The following CDH11 variants were observed in gnomAD, a reference collection of about 807,000 sequenced individuals.
The protein encoded by CDH11 is cadherin 11, also known as cadherin-11.
Under a neutral mutation model 67.8 loss-of-function variants are expected in CDH11, and 11 were observed. The observed-to-expected ratio is 0.16, with a 90% CI of 0.10 to 0.27. The LOEUF (loss-of-function observed/expected upper bound fraction) is 0.27. CDH11 is among the 10% of genes least tolerant of loss of function. The pLI, the probability that CDH11 is intolerant of heterozygous loss-of-function variation, is 1.00. For missense variants in CDH11, 847 were observed against 1,031.2 expected (o/e 0.82, Z 2.45); for synonymous variants, 419 against 400.0 (o/e 1.05, Z -0.57).
In CDH11 at chr16:64,982,053, C is replaced by A; in HGVS notation, c.1248G>T (p.Pro416=). 1 of 1,611,264 alleles carries A rather than the reference C, an allele frequency of 6.2e-7. No homozygotes were observed. Among genetic ancestry groups the A allele is most frequent in the South Asian group, 1.1e-5 (1 of 90,642 alleles). ...TAAAATAAATCCGTCTGTACCTTAT[C>A]GGGCTGTTGGCAGCATCAGGGTCTT... ...HAKDPDAANS[P]IRYSIDRHTD... Residue 416 remains proline, a synonymous_variant, in exon 8 of 13, where the codon CCG becomes CCT. Coordinates refer to ENST00000268603, the MANE Select transcript of CDH11 (RefSeq NM_001797.4).
At chr16:64,956,794 G>T (rs941061614) in intron 11 of CDH11, among the ~76,000 whole-genome samples, 18 of 152,070 alleles carry the variant, frequency 1.2e-4, no homozygotes, top group African/African-American at 4.1e-4. Flanking sequence ...CAATATAAAA[G>T]TTCCTAATAA....
intron 1 of CDH11, among the ~76,000 whole-genome samples, chr16:65,082,123 C>T (rs1168726387): frequency 6.6e-6 from 1 of 152,192 alleles, no homozygotes; most frequent in Non-Finnish European, 1.5e-5. Flanking sequence ...AAACTGCTTG[C>T]CCACCTACAT....
chr16:64,945,869 C>A lies in CDH11; in HGVS notation c.*1734G>T. On this transcript the variant is annotated 3_prime_UTR_variant, in exon 13 of 13. Transcript: ENST00000268603. ...AGAAAAAAACTGTAAAAATTGTCTG[C>A]AATCCAAGAAAAAGCACGTGCCCTG... is the stretch of plus-strand genomic sequence containing the variant. 2 of 1,055,620 alleles carry A rather than the reference C, an allele frequency of 1.9e-6. No homozygotes were observed. Among genetic ancestry groups the A allele is most frequent in the Non-Finnish European group, 2.3e-6 (2 of 873,268 alleles). 65.4% of individuals were successfully genotyped at this position (1,055,620 alleles called of 1,614,324 possible). A position where few individuals can be genotyped will look rare whatever the true frequency, so the allele number is the denominator to read the frequency against.
intron 1 of CDH11, among the ~76,000 whole-genome samples, chr16:65,095,939 C>T (rs1336724127): frequency 6.6e-6 from 1 of 152,106 alleles, no homozygotes; most frequent in African/African-American, 2.4e-5. Flanking sequence ...ATGGTGCCAT[C>T]TATGAGGAAT....
At chr16:65,114,687 T>C (rs968406119) in intron 1 of CDH11, among the ~76,000 whole-genome samples, 6 of 152,050 alleles carry the variant, frequency 3.9e-5, no homozygotes, top group African/African-American at 1.4e-4. Flanking sequence ...CAAGAACAGA[T>C]GACACCGGCG....
chr16:65,065,488 C>T (rs955460379), intron 1 of CDH11, among the ~76,000 whole-genome samples: 2 of 152,170 alleles, frequency 1.3e-5, no homozygotes, highest in Non-Finnish European at 2.9e-5. Context: ...GGACACACGA[C>T]CTGGCACAGG....
chr16:64,955,836 CAA>C (rs2071493479), intron 11 of CDH11, among the ~76,000 whole-genome samples: 1 of 152,076 alleles, frequency 6.6e-6, no homozygotes. Flanking sequence ...AAACTAAAAA[CAA>C]TAACGAAACC....
chr16:65,068,809 C>T (rs1264325670), intron 1 of CDH11, among the ~76,000 whole-genome samples: 1 of 152,096 alleles, frequency 6.6e-6, no homozygotes, highest in African/African-American at 2.4e-5. Context: ...AGTTAAATGC[C>T]ACCCATTTTC....
At chr16:65,077,279 T>C (rs899084307) in intron 1 of CDH11, among the ~76,000 whole-genome samples, 6 of 152,200 alleles carry the variant, frequency 3.9e-5, no homozygotes, top group South Asian at 2.1e-4. Context: ...AAAAAGTGAG[T>C]ATAAGCATCT....
chr16:64,979,123 CAAG>C (rs1179381908), intron 8 of CDH11, among the ~76,000 whole-genome samples: 1 of 152,112 alleles, frequency 6.6e-6, no homozygotes, highest in Non-Finnish European at 1.5e-5. Flanking sequence ...ATATTTCTCC[CAAG>C]AAGACATACA....
intron 11 of CDH11, among the ~76,000 whole-genome samples, chr16:64,962,808 G>A (rs1334889779): frequency 1.3e-5 from 2 of 152,108 alleles, no homozygotes; most frequent in African/African-American, 2.4e-5. Context: ...CTGACCTGGG[G>A]AAAAGAAACT....
intron 1 of CDH11, among the ~76,000 whole-genome samples, chr16:65,068,319 G>A (rs558461149): frequency 3.5e-4 from 52 of 148,848 alleles, no homozygotes; most frequent in African/African-American, 1.3e-3. Flanking sequence ...AGCACACAAG[G>A]AGGCAGTGTC....
Position 64,945,275 on chromosome 16 carries a change from T to C in CDH11, c.*2328A>G, listed in dbSNP as rs1040008056. Reference sequence around the variant, plus strand: ...GTTTCTAAGAGTGTTCTACAAACAATAGAGGCTTAACGAAAAAATAAAAGG... The same window carrying C: ...GTTTCTAAGAGTGTTCTACAAACAACAGAGGCTTAACGAAAAAATAAAAGG... On this transcript the variant is annotated 3_prime_UTR_variant, in exon 13 of 13. Transcript: ENST00000268603. 1.3e-4 allele frequency: 45 copies of C among 350,114 alleles called. No individual in the cohort carries two copies. In the East Asian group the frequency reaches 3.0e-3, roughly 24 times the overall value. The allele number at this position is 350,114 out of a possible 1,614,324, so 21.7% of individuals were successfully genotyped here.
At chr16:64,980,263 G>C (rs932445249) in intron 8 of CDH11, among the ~76,000 whole-genome samples, 2 of 151,918 alleles carry the variant, frequency 1.3e-5, no homozygotes, top group African/African-American at 4.8e-5. Flanking sequence ...AAAAAAAAAA[G>C]AGAGTGAGAC....
Position 64,947,792 on chromosome 16 carries a change from A to G in CDH11, c.2202T>C (p.Ala734=). 16 of 1,614,130 alleles carry G rather than the reference A, an allele frequency of 9.9e-6. No individual in the cohort carries two copies. Among genetic ancestry groups the G allele is most frequent in the Non-Finnish European group, 1.3e-5 (15 of 1,180,026 alleles). Residue 734 remains alanine, a synonymous_variant, in exon 13 of 13, where the codon GCT becomes GCC. Transcript: ENST00000268603. ...AGATTTGAATGGAGTCATAAGGAGGAGCCGTGGGGTCATTGTCTGCCTCCT... is the reference window on the plus strand; with the variant it reads ...AGATTTGAATGGAGTCATAAGGAGGGGCCGTGGGGTCATTGTCTGCCTCCT... ...RIQEADNDPT[A]PPYDSIQIYG...
intron 1 of CDH11, among the ~76,000 whole-genome samples, chr16:65,117,406 C>G (rs2075261079): frequency 6.6e-6 from 1 of 152,116 alleles, no homozygotes; most frequent in Non-Finnish European, 1.5e-5. Context: ...ACTTTCATGA[C>G]ACTATCAAAC....
Position 65,004,958 on chromosome 16 carries a change from G to T in CDH11, c.-89C>A. 7.0e-7 allele frequency: 1 copy of T among 1,437,276 alleles called. No homozygotes were observed. Among genetic ancestry groups the T allele is most frequent in the South Asian group, 1.5e-5 (1 of 66,816 alleles). The allele number at this position is 1,437,276 out of a possible 1,614,324, so 89.0% of individuals were successfully genotyped here. A position where few individuals can be genotyped will look rare whatever the true frequency, so the allele number is the denominator to read the frequency against. The stretch of plus-strand genomic sequence containing the variant: ...TCTTGCTGAGGGTGGCCTCCCGGAC[G>T]CGTCACGCAGACCTCTCTTGGGATG... On this transcript the variant is annotated 5_prime_UTR_variant, in exon 3 of 13. Coordinates refer to ENST00000268603, the MANE Select transcript of CDH11 (RefSeq NM_001797.4).
intron 1 of CDH11, among the ~76,000 whole-genome samples, chr16:65,072,994 A>G (rs779023171): frequency 2.0e-5 from 3 of 152,260 alleles, no homozygotes; most frequent in African/African-American, 7.2e-5. Context: ...GATCATTATC[A>G]TCATCATTAG....
Position 64,991,939 on chromosome 16 carries a change from G to C in CDH11, c.644-4C>G, listed in dbSNP as rs747355470. 2.5e-6 allele frequency: 4 copies of C among 1,592,262 alleles called. No homozygotes were observed. In the South Asian group the frequency reaches 4.5e-5, roughly 18 times the overall value. ...GGTAGGGCTGTTCTGATGATACCTG[G>C]ACAGGTAAGCAGGCAACATCACAGA... On this transcript the variant is annotated splice_polypyrimidine_tract_variant and splice_region_variant and intron_variant, in intron 5 of 12. Transcript: ENST00000268603.
Sources: allele counts gnomAD v4.1 joint callset (sites outside exome capture counted in the v4.1 genomes callset), GRCh38; gene constraint gnomAD v4.1.1; transcripts MANE v1.5; gene names NCBI Gene and HGNC (gene_info 2026-07-23, HGNC 2026-07-21).